TRANK1: variants seen among roughly 807,000 people sequenced by gnomAD.
TRANK1 encodes TPR and ankyrin repeat-containing protein 1.
A neutral mutation model predicts 266.0 loss-of-function variants in TRANK1; 198 were observed. That is an observed-to-expected ratio of 0.74 (90% CI 0.66 to 0.84). The LOEUF is 0.84. TRANK1 is among the 40% of genes least tolerant of loss of function. TRANK1 has a pLI of 0.00. For synonymous variants in TRANK1, 1,396 were observed against 1,384.1 expected (o/e 1.01, Z -0.19); for missense variants, 3,326 against 3,634.6 (o/e 0.92, Z 2.18).
chr3:36,892,852 CAT>C (rs60833390), intron 6 of TRANK1, 47 bp downstream of exon 6: 137,566 of 566,896 alleles, frequency 0.24, 11,031 homozygotes, highest in East Asian at 0.44. Flanking sequence ...CAAAACAAAA[CAT>C]ATATATATAT....
At chr3:36,926,158 A>G (rs976281511) in intron 1 of TRANK1, among the ~76,000 whole-genome samples, 2 of 152,172 alleles carry the variant, frequency 1.3e-5, no homozygotes, top group African/African-American at 4.8e-5. Flanking sequence ...TACTCTTTAC[A>G]GCCCTTCTTC....
chr3:36,943,542 T>C (rs1450899926), intron 1 of TRANK1, among the ~76,000 whole-genome samples: 1 of 125,814 alleles, frequency 7.9e-6, no homozygotes, highest in East Asian at 2.6e-4. Flanking sequence ...CAAGCACCTA[T>C]CCTGCAATCC....
At chr3:36,889,392 C>T (rs1453871104) in intron 8 of TRANK1, among the ~76,000 whole-genome samples, 1 of 152,122 alleles carries the variant, frequency 6.6e-6, no homozygotes, top group Non-Finnish European at 1.5e-5. Context: ...CTAGTCTGGC[C>T]CCAGCAGGTA....
At position 36,857,990 on chromosome 3, in the gene TRANK1, C is replaced by T. The variant is rs760475101; in HGVS notation, c.1732G>A (p.Glu578Lys). 1 of 1,598,112 alleles carries T rather than the reference C, an allele frequency of 6.3e-7. No homozygotes were observed. The highest frequency in any genetic ancestry group is 8.5e-7 in the Non-Finnish European group (1 of 1,178,734). Reference protein sequence around the residue: ...LLDLFWSNPTEFDYLNPNVQD... With the variant: ...LLDLFWSNPTKFDYLNPNVQD... ...ACATTGGGGTTGAGGTAGTCGAATT[C>T]AGTGGGGTTGGACCAAAACAGATCC... The change falls in exon 13 of 24, where the codon GAA (glutamate) becomes AAA (lysine). Residue 578 changes from glutamate to lysine, a missense_variant. By Grantham distance (56) the Glu-to-Lys change is moderately conservative. Coordinates refer to ENST00000645898, the MANE Select transcript of TRANK1 (RefSeq NM_001329998.2). The surrounding 1 kb of genome is among the most constrained non-coding windows in gnomAD (Gnocchi z 4.3).
At chr3:36,840,645 C>T (rs1467608857) in intron 18 of TRANK1, among the ~76,000 whole-genome samples, 1 of 152,246 alleles carries the variant, frequency 6.6e-6, no homozygotes, top group Non-Finnish European at 1.5e-5. Context: ...TGCTTCTGTT[C>T]ACGTTCTTTG....
rs1334595387 is a variant in TRANK1, at chr3:36,869,538, C to G, written c.1078+4588G>C. ...CACAGATACAGCTCCCTAGCGGCAG[C>G]TCTTCCTAAAGACAATGCTTCCATC... On this transcript the variant is annotated intron_variant, in intron 9 of 23. Coordinates refer to ENST00000645898, the MANE Select transcript of TRANK1 (RefSeq NM_001329998.2). Among the ~76,000 whole-genome samples, 3 of 152,372 alleles carry G rather than the reference C, an allele frequency of 2.0e-5. No individual in the cohort carries two copies. The East Asian group carries it at 5.8e-4, about 29-fold the overall frequency.
chr3:36,910,994 CG>C (rs1183225375), intron 1 of TRANK1, among the ~76,000 whole-genome samples: 2 of 151,820 alleles, frequency 1.3e-5, no homozygotes, highest in Non-Finnish European at 2.9e-5. Flanking sequence ...TGCTTGAACC[CG>C]GAAGGCAGAG....
chr3:36,833,575 T>G lies in TRANK1; in HGVS notation c.6008A>C (p.Asp2003Ala). ...GTCCTTGGTGTGTTCTATGTCGGAA[T>G]CCCTGGCCACATTGAGGCGGGCGGC... Reference protein sequence around the residue: ...LGAARLNVARDSDIEHTKDIL... With the variant: ...LGAARLNVARASDIEHTKDIL... Residue 2003 changes from aspartate (D) to alanine (A), a missense_variant, in exon 22 of 24, where the codon GAT (aspartate) becomes GCT (alanine). Coordinates refer to ENST00000645898, the MANE Select transcript of TRANK1 (RefSeq NM_001329998.2). 6.2e-7 allele frequency: 1 copy of G among 1,613,938 alleles called. No individual in the cohort carries two copies. Among genetic ancestry groups the G allele is most frequent in the Non-Finnish European group, 8.5e-7 (1 of 1,179,878 alleles).
chr3:36,915,368 C>T (rs2080110538), intron 1 of TRANK1, among the ~76,000 whole-genome samples: 1 of 152,144 alleles, frequency 6.6e-6, no homozygotes, highest in South Asian at 2.1e-4. Flanking sequence ...TCATCTCAAA[C>T]ATTTATTATT....
chr3:36,879,768 A>G lies in TRANK1; in HGVS notation c.908-5472T>C, dbSNP rs901146829. Among the ~76,000 whole-genome samples, 252 of 101,598 alleles carry G rather than the reference A, an allele frequency of 2.5e-3. 49 individuals carry two copies. The highest frequency in any genetic ancestry group is 0.018 in the South Asian group (62 of 3,482). The allele number at this position is 101,598 out of a possible 152,430, so 66.7% of individuals were successfully genotyped here. A position where few individuals can be genotyped will look rare whatever the true frequency, so the allele number is the denominator to read the frequency against. ...AATATATAAATATATATAAATATAT[A>G]TAAATATATATAAATATGTAAATAT... is the stretch of plus-strand genomic sequence containing the variant. On this transcript the variant is annotated intron_variant, in intron 8 of 23. Coordinates refer to ENST00000645898, the MANE Select transcript of TRANK1 (RefSeq NM_001329998.2).
chr3:36,847,376 C>A (rs1375075279), intron 15 of TRANK1, 30 bp from the exon 16 acceptor site: 1 of 1,611,058 alleles, frequency 6.2e-7, no homozygotes, highest in Admixed American at 1.7e-5. Flanking sequence ...TGAAGACCAA[C>A]AGAATATGCT....
chr3:36,836,796 C>G (rs1163128459), intron 20 of TRANK1, among the ~76,000 whole-genome samples: 1 of 152,236 alleles, frequency 6.6e-6, no homozygotes, highest in Non-Finnish European at 1.5e-5. Flanking sequence ...CTTCCACCAC[C>G]ACCATGGTAG....
At position 36,851,787 on chromosome 3, in the gene TRANK1, T is replaced by G; in HGVS notation, c.4819A>C (p.Thr1607Pro). 2 of 1,612,606 alleles carry G rather than the reference T, an allele frequency of 1.2e-6. No individual in the cohort carries two copies. Among genetic ancestry groups the G allele is most frequent in the Non-Finnish European group, 1.7e-6 (2 of 1,179,246 alleles). ...TCTAAGCCTTTTGCTTCATAAATTG[T>G]TAGCACAAGTGCTAACCCCAGCTCT... is the stretch of plus-strand genomic sequence containing the variant. Reference protein sequence around the residue: ...PEELGLALVLTIYEAKGLEFD... With the variant: ...PEELGLALVLPIYEAKGLEFD... The change falls in exon 15 of 24, where the codon ACA (threonine) becomes CCA (proline). Residue 1607 changes from threonine to proline, a missense_variant. Transcript: ENST00000645898.
At chr3:36,869,142 C>T (rs1559441642) in intron 9 of TRANK1, among the ~76,000 whole-genome samples, 1 of 152,202 alleles carries the variant, frequency 6.6e-6, no homozygotes, top group Non-Finnish European at 1.5e-5. Flanking sequence ...CCCTGGCTTG[C>T]CCTGGCAGCT....
Position 36,833,814 on chromosome 3 carries a change from C to T in TRANK1, c.5769G>A (p.Lys1923=). 1 of 1,614,040 alleles carries T rather than the reference C, an allele frequency of 6.2e-7. No individual in the cohort carries two copies. Residue 1923 remains lysine, a synonymous_variant, in exon 22 of 24, where the codon AAG becomes AAA. Transcript: ENST00000645898. Reference sequence around the variant, plus strand: ...AGAGGACAGCCATCATTTCCTTCATCTTATTTGCACTCAGATACTTTGCTG... The same window carrying T: ...AGAGGACAGCCATCATTTCCTTCATTTTATTTGCACTCAGATACTTTGCTG... ...EAAAKYLSAN[K]MKEMMAVLSK... is the part of the protein sequence containing the mutation.
rs2078862511 is a variant in TRANK1 at position 36,842,644 on chromosome 3, T to C, written c.5258A>G (p.Tyr1753Cys). The C allele has an allele frequency of 6.2e-7, 1 of 1,613,838 alleles. No homozygotes were observed. The highest frequency in any genetic ancestry group is 8.5e-7 in the Non-Finnish European group (1 of 1,179,870). Reference sequence around the variant, plus strand: ...TACCTTCCAGCACTGGTGCTTGGCGTAGTAATCTCCCTGTGCAATCCACTC... The same window carrying C: ...TACCTTCCAGCACTGGTGCTTGGCGCAGTAATCTCCCTGTGCAATCCACTC... ...PAEWIAQGDY[Y>C]AKHQCWKVAA... Residue 1753 changes from tyrosine (Y) to cysteine (C), a missense_variant, in exon 18 of 24, where the codon TAC becomes TGC. By Grantham distance (194) the Tyr-to-Cys change is radical. Transcript: ENST00000645898.
intron 5 of TRANK1, among the ~76,000 whole-genome samples, chr3:36,894,544 G>T (rs903084532): frequency 6.6e-6 from 1 of 152,088 alleles, no homozygotes; most frequent in Admixed American, 6.5e-5. Context: ...CCTGCTGCCT[G>T]CCCTCCCAAG....
chr3:36,897,112 G>T (rs2079804148), intron 4 of TRANK1, among the ~76,000 whole-genome samples: 1 of 152,070 alleles, frequency 6.6e-6, no homozygotes, highest in Admixed American at 6.6e-5. Context: ...GACCAGCCTG[G>T]CTAACATAGT....
At chr3:36,899,072 A>G in intron 4 of TRANK1, 37 bp downstream of exon 4, 3 of 1,534,026 alleles carry the variant, frequency 2.0e-6, no homozygotes, top group Non-Finnish European at 1.7e-6. Flanking sequence ...ATAAAATAGC[A>G]AGGACTTTAC....
Sources: gnomAD v4.1 joint callset for allele counts (sites outside exome capture counted in the v4.1 genomes callset) on GRCh38, gnomAD v4.1.1 for gene constraint, Gnocchi (gnomAD v3.1) non-coding constraint, MANE v1.5 for transcripts, NCBI Gene and HGNC (gene_info 2026-07-23, HGNC 2026-07-21) for gene names.